The following PCLO variants were observed in gnomAD, a reference collection of about 807,000 sequenced individuals.
The protein encoded by PCLO is piccolo presynaptic cytomatrix protein.
In PCLO, 82 loss-of-function variants were observed where a neutral mutation model predicts 427.5. That is an observed-to-expected ratio of 0.19 (90% CI 0.16 to 0.23). The LOEUF (loss-of-function observed/expected upper bound fraction) is 0.23, where lower values mean the gene tolerates loss of function less well. Ranked by LOEUF, PCLO falls within the 10% of genes least tolerant of loss-of-function variation. The pLI is 1.00. For synonymous variants in PCLO, 2,357 were observed against 2,155.4 expected (o/e 1.09, Z -2.59); for missense variants, 6,239 against 6,115.9 (o/e 1.02, Z -0.67).
intron 3 of PCLO, among the ~76,000 whole-genome samples, chr7:83,040,885 CA>C (rs1788958063): frequency 6.6e-6 from 1 of 152,004 alleles, no homozygotes; most frequent in Non-Finnish European, 1.5e-5. Flanking sequence ...AAACATATAT[CA>C]AAACATCACA....
chr7:82,970,471 G>A (rs911309900), intron 3 of PCLO, among the ~76,000 whole-genome samples: 1 of 151,912 alleles, frequency 6.6e-6, no homozygotes, highest in African/African-American at 2.4e-5. Context: ...AAGATTATCT[G>A]AGGAATTTAG....
intron 3 of PCLO, among the ~76,000 whole-genome samples, chr7:83,050,655 C>G (rs1319463578): frequency 1.3e-5 from 2 of 151,494 alleles, no homozygotes; most frequent in Non-Finnish European, 2.9e-5. Context: ...TAATGTAATT[C>G]CACCTTGGGA....
At chr7:83,033,970 T>C (rs904757715) in intron 3 of PCLO, among the ~76,000 whole-genome samples, 1 of 152,188 alleles carries the variant, frequency 6.6e-6, no homozygotes, top group Non-Finnish European at 1.5e-5. Context: ...TATTTATCTT[T>C]TTCTTGTCTT....
chr7:83,051,190 A>C (rs990506611), intron 3 of PCLO, among the ~76,000 whole-genome samples: 1 of 152,142 alleles, frequency 6.6e-6, no homozygotes, highest in Non-Finnish European at 1.5e-5. Flanking sequence ...CACCTATTCA[A>C]CAGTGTACTA....
intron 22 of PCLO, among the ~76,000 whole-genome samples, chr7:82,772,827 T>C (rs1790674664): frequency 6.6e-6 from 1 of 152,208 alleles, no homozygotes; most frequent in South Asian, 2.1e-4. Flanking sequence ...TTAAATTTTT[T>C]TGTAAGGGAA....
chr7:82,764,375 G>C (rs6942443), intron 22 of PCLO, among the ~76,000 whole-genome samples: 1 of 151,702 alleles, frequency 6.6e-6, no homozygotes. Context: ...AGGCCAAGTG[G>C]AGAAATATCA....
chr7:83,096,302 G>C (rs6947662), intron 3 of PCLO, among the ~76,000 whole-genome samples: 69,711 of 151,790 alleles, frequency 0.46, 16,418 homozygotes, highest in East Asian at 0.71. Context: ...TTAAACTCCA[G>C]GTTCACATTC....
At chr7:82,777,635 C>T (rs371417175) in intron 22 of PCLO, among the ~76,000 whole-genome samples, 13 of 152,166 alleles carry the variant, frequency 8.5e-5, no homozygotes, top group Admixed American at 1.3e-4. Context: ...CTGACAAAAA[C>T]GAGCAATGGG....
intron 16 of PCLO, among the ~76,000 whole-genome samples, chr7:82,833,194 A>G (rs758355042): frequency 3.9e-5 from 6 of 152,170 alleles, no homozygotes; most frequent in Non-Finnish European, 7.3e-5. Context: ...TCCCAGAGGA[A>G]ATAGTTTGAT....
intron 3 of PCLO, among the ~76,000 whole-genome samples, chr7:83,074,197 A>C (rs1789891932): frequency 6.6e-6 from 1 of 151,932 alleles, no homozygotes; most frequent in Non-Finnish European, 1.5e-5. Context: ...TACATTTACT[A>C]TTTTTTATTA....
intron 13 of PCLO, among the ~76,000 whole-genome samples, 178 bp downstream of exon 13, chr7:82,845,093 A>C (rs1392985658): frequency 1.3e-5 from 2 of 152,182 alleles, no homozygotes; most frequent in South Asian, 4.1e-4. Flanking sequence ...CATCATCTTG[A>C]TACATCTTGA....
At chr7:82,980,186 A>G (rs1796115617) in intron 3 of PCLO, among the ~76,000 whole-genome samples, 1 of 152,116 alleles carries the variant, frequency 6.6e-6, no homozygotes, top group Non-Finnish European at 1.5e-5. Flanking sequence ...TGTTTCCTGA[A>G]AAGTGAGGAT....
intron 6 of PCLO, among the ~76,000 whole-genome samples, chr7:82,920,522 T>C (rs1794571530): frequency 6.6e-6 from 1 of 151,444 alleles, no homozygotes; most frequent in Non-Finnish European, 1.5e-5. Flanking sequence ...AGAATAAAGG[T>C]TTAAGAAAGA....
chr7:82,941,428 A>T (rs1795083367), intron 6 of PCLO, among the ~76,000 whole-genome samples: 1 of 152,216 alleles, frequency 6.6e-6, no homozygotes, highest in Non-Finnish European at 1.5e-5. Context: ...AGCAGAAAAA[A>T]AGCTGTTAAT....
chr7:82,966,399 G>A lies in PCLO; in HGVS notation c.3389C>T (p.Ser1130Leu). ...AGGCATAGGAGATGCTTTGGGTCCT[G>A]ATGGTGCAGGTGGCATTTTGCGTAT... ...GDIRKMPPAP[S>L]GPKASPMPVP... Residue 1130 changes from serine to leucine, a missense_variant, in exon 4 of 25, where the codon TCA becomes TTA. Ser to Leu is a moderately radical substitution (Grantham distance 145). Transcript: ENST00000333891. 6.2e-7 allele frequency: 1 copy of A among 1,613,798 alleles called. No individual in the cohort carries two copies. Among genetic ancestry groups the A allele is most frequent in the Non-Finnish European group, 8.5e-7 (1 of 1,179,790 alleles).
intron 9 of PCLO, among the ~76,000 whole-genome samples, chr7:82,888,046 G>C (rs1363553440): frequency 2.6e-5 from 4 of 151,636 alleles, no homozygotes; most frequent in African/African-American, 9.7e-5. Context: ...CTCCAGCCTG[G>C]GTGACAGAGT....
At chr7:82,887,710 A>G (rs1793659831) in intron 9 of PCLO, among the ~76,000 whole-genome samples, 2 of 152,174 alleles carry the variant, frequency 1.3e-5, no homozygotes, top group South Asian at 4.1e-4. Flanking sequence ...TTTCACCAGA[A>G]TTTACCAGGA....
At chr7:82,893,089 C>T (rs548219232) in intron 9 of PCLO, among the ~76,000 whole-genome samples, 2 of 152,070 alleles carry the variant, frequency 1.3e-5, no homozygotes, top group Admixed American at 6.6e-5. Flanking sequence ...ACCCAAAGGA[C>T]TATAAATCAT....
At position 82,980,830 on chromosome 7, in the gene PCLO, G is replaced by A. The variant is rs117337748; in HGVS notation, c.3301-14343C>T. Among the ~76,000 whole-genome samples the A allele has an allele frequency of 1.4e-3, 208 of 152,264 alleles. 6 individuals carry two copies. In the East Asian group the frequency reaches 0.038, roughly 28 times the overall value. On this transcript the variant is annotated intron_variant, in intron 3 of 24. Transcript: ENST00000333891. ...TGATTTACAAATAGAGGAGGAACAG[G>A]TTCTGGGGGGAAGGCTAGAATATGT... is the stretch of plus-strand genomic sequence containing the variant.
Sources: gnomAD v4.1 joint callset for allele counts (sites outside exome capture counted in the v4.1 genomes callset) on GRCh38, gnomAD v4.1.1 for gene constraint, MANE v1.5 for transcripts, NCBI Gene and HGNC (gene_info 2026-07-23, HGNC 2026-07-21) for gene names.